The following SAMM50 variants were observed in gnomAD, a reference collection of about 807,000 sequenced individuals.
SAMM50 encodes the protein SAMM50 sorting and assembly machinery component.
Under a neutral mutation model 66.9 loss-of-function variants are expected in SAMM50, and 47 were observed. That is an observed-to-expected ratio of 0.70 (90% CI 0.56 to 0.90). The LOEUF (loss-of-function observed/expected upper bound fraction) is 0.90, where lower values mean the gene tolerates loss of function less well. Ranked by LOEUF, SAMM50 falls within the 40% of genes least tolerant of loss-of-function variation. The pLI, the probability that SAMM50 is intolerant of heterozygous loss-of-function variation, is 0.00. For missense variants in SAMM50, 535 were observed against 595.3 expected (o/e 0.90, Z 1.05); for synonymous variants, 191 against 214.1 (o/e 0.89, Z 0.94).
At chr22:43,963,152 T>C (rs1335031247) in intron 1 of SAMM50, 134 bp from the exon 2 acceptor site, 2 of 583,932 alleles carry the variant, frequency 3.4e-6, no homozygotes, top group Non-Finnish European at 6.1e-6. Context: ...CTGGTCCCTA[T>C]TCCTGCCCCT....
chr22:43,960,233 A>G (rs963578830), intron 1 of SAMM50, among the ~76,000 whole-genome samples: 3 of 152,208 alleles, frequency 2.0e-5, no homozygotes, highest in African/African-American at 4.8e-5. Context: ...AATTGAAAGG[A>G]TAGAGATGGG....
intron 12 of SAMM50, chr22:43,988,807 GA>G: frequency 4.0e-6 from 1 of 250,734 alleles, no homozygotes; most frequent in Non-Finnish European, 7.6e-6. Context: ...TTATTGTCAT[GA>G]GACTCATTTC....
Position 43,977,895 on chromosome 22 carries a change from G to A in SAMM50, c.873G>A (p.Gly291=), listed in dbSNP as rs867908336. The A allele has an allele frequency of 1.2e-6, 2 of 1,612,978 alleles. No individual in the cohort carries two copies. Among genetic ancestry groups the A allele is most frequent in the Middle Eastern group, 1.7e-4 (1 of 6,056 alleles). Residue 291 remains glycine (G), a synonymous_variant, in exon 10 of 15, where the codon GGG becomes GGA. Transcript: ENST00000350028. The stretch of plus-strand genomic sequence containing the variant: ...AGGAACTGGCAGGCTACACTGGCGG[G>A]GATGTGAGCTTCATCAAAGAAGATT... ...VNQELAGYTG[G]DVSFIKEDFE... is the part of the protein sequence containing the mutation.
At position 43,989,164 on chromosome 22, in the gene SAMM50, C is replaced by G. The variant is rs200604349; in HGVS notation, c.1129C>G (p.Pro377Ala). Residue 377 changes from proline (P) to alanine (A), a missense_variant, in exon 13 of 15, where the codon CCA becomes GCA. Coordinates refer to ENST00000350028, the MANE Select transcript of SAMM50 (RefSeq NM_015380.5). ...YWAGGLHLYT[P>A]LPFRPGQGGF... ...GGCCGGCGGCCTGCACCTCTACACC[C>G]CATTACCTTTCCGGCCAGGCCAGGG... 1.8e-4 allele frequency: 296 copies of G among 1,614,064 alleles called. 1 individual carries two copies. Among genetic ancestry groups the G allele is most frequent in the Non-Finnish European group, 3.8e-5 (45 of 1,180,026 alleles).
chr22:43,959,750 C>T (rs1037962628), intron 1 of SAMM50, among the ~76,000 whole-genome samples: 3 of 152,106 alleles, frequency 2.0e-5, no homozygotes, highest in Non-Finnish European at 4.4e-5. Context: ...ATGGGATGTA[C>T]ATTCTATGAG....
chr22:43,988,996 G>C, intron 12 of SAMM50, 115 bp from the exon 13 acceptor site: 4 of 975,642 alleles, frequency 4.1e-6, no homozygotes, highest in Non-Finnish European at 6.1e-6. Context: ...GCAAACTCCA[G>C]CACTGTGTGG....
chr22:43,985,798 G>C lies in SAMM50; in HGVS notation c.1075+1798G>C, dbSNP rs1281308175. On this transcript the variant is annotated intron_variant, in intron 12 of 14. Coordinates refer to ENST00000350028, the MANE Select transcript of SAMM50 (RefSeq NM_015380.5). ...GTAAGGAGCTGCCAGGCGAGCTTCC[G>C]GGGTGGCCGCGTCCTTTTGCATTTC... 2.6e-5 allele frequency among the ~76,000 whole-genome samples: 4 copies of C among 152,026 alleles called. No homozygotes were observed. In the East Asian group the frequency reaches 5.8e-4, roughly 22 times the overall value.
intron 1 of SAMM50, among the ~76,000 whole-genome samples, chr22:43,958,449 G>A (rs2050130580): frequency 2.0e-5 from 3 of 147,444 alleles, no homozygotes; most frequent in South Asian, 4.3e-4. Context: ...GGGATACAGG[G>A]AAAAAAGTAT....
chr22:43,959,110 C>T (rs1394784787), intron 1 of SAMM50, among the ~76,000 whole-genome samples: 2 of 150,386 alleles, frequency 1.3e-5, no homozygotes, highest in Non-Finnish European at 2.9e-5. Flanking sequence ...CTTCTGCCTC[C>T]TGGGTTCAAG....
chr22:43,962,696 G>A (rs1245512415), intron 1 of SAMM50, among the ~76,000 whole-genome samples: 7 of 152,052 alleles, frequency 4.6e-5, no homozygotes, highest in Non-Finnish European at 4.4e-5. Context: ...TAAAAATTAG[G>A]ATGCTTTCTG....
chr22:43,989,129 A>G lies in SAMM50; in HGVS notation c.1094A>G (p.Glu365Gly). 1 of 1,613,840 alleles carries G rather than the reference A, an allele frequency of 6.2e-7. No homozygotes were observed. Among genetic ancestry groups the G allele is most frequent in the Non-Finnish European group, 8.5e-7 (1 of 1,179,934 alleles). Residue 365 changes from glutamate to glycine, a missense_variant, in exon 13 of 15, where the codon GAA (glutamate) becomes GGA (glycine). Glu to Gly is a moderately conservative substitution (Grantham distance 98). Transcript: ENST00000350028. ...PQSEGDYLGGEAYWAGGLHLY... is the reference protein window; with the variant it reads ...PQSEGDYLGGGAYWAGGLHLY... ...TGCTTAGGAGACTACCTAGGTGGAG[A>G]AGCGTACTGGGCCGGCGGCCTGCAC...
intron 14 of SAMM50, 161 bp from the exon 15 acceptor site, chr22:43,996,177 C>T: frequency 2.6e-6 from 2 of 759,538 alleles, no homozygotes; most frequent in South Asian, 1.5e-5. Context: ...AAGGAGGAAG[C>T]AGCCGGGGCC....
chr22:43,976,270 C>A, intron 8 of SAMM50, 87 bp downstream of exon 8: 1 of 1,482,320 alleles, frequency 6.7e-7, no homozygotes, highest in Non-Finnish European at 9.2e-7. Context: ...AATATCAGGG[C>A]TGACTGAGAA....
intron 1 of SAMM50, among the ~76,000 whole-genome samples, chr22:43,955,842 C>T (rs1271362259): frequency 6.6e-6 from 1 of 152,174 alleles, no homozygotes; most frequent in Admixed American, 6.5e-5. Context: ...AGTCCGTGGC[C>T]CAAAGGACTT....
chr22:43,979,218 T>G (rs528809027), intron 10 of SAMM50, among the ~76,000 whole-genome samples: 6 of 152,300 alleles, frequency 3.9e-5, no homozygotes, highest in Admixed American at 6.5e-5. Context: ...TCTGGGACAG[T>G]CTCCTACAGC....
intron 14 of SAMM50, among the ~76,000 whole-genome samples, chr22:43,991,449 A>T (rs2050324492): frequency 6.6e-6 from 1 of 151,712 alleles, no homozygotes; most frequent in African/African-American, 2.4e-5. Context: ...TTTTTTGTAG[A>T]GACAGGGTTT....
intron 1 of SAMM50, 52 bp from the exon 2 acceptor site, chr22:43,963,234 T>G: frequency 9.3e-7 from 1 of 1,075,722 alleles, no homozygotes; most frequent in Non-Finnish European, 1.4e-6. Flanking sequence ...AAGGTAAGTG[T>G]GTGTATATAT....
chr22:43,966,275 G>C (rs2050172813), intron 3 of SAMM50, among the ~76,000 whole-genome samples: 1 of 152,208 alleles, frequency 6.6e-6, no homozygotes, highest in Non-Finnish European at 1.5e-5. Flanking sequence ...TCCTGGAAGT[G>C]GGATTCCTGG....
intron 6 of SAMM50, 82 bp downstream of exon 6, chr22:43,973,083 A>G (rs2050212316): frequency 5.9e-6 from 9 of 1,528,374 alleles, no homozygotes; most frequent in Middle Eastern, 1.7e-4. Context: ...AAGAACCATG[A>G]CAGAATCAGC....
Sources: allele counts gnomAD v4.1 joint callset (sites outside exome capture counted in the v4.1 genomes callset), GRCh38; gene constraint gnomAD v4.1.1; transcripts MANE v1.5; gene names NCBI Gene and HGNC (gene_info 2026-07-23, HGNC 2026-07-21).